Variants in SLC30A7 observed in about 807,000 individuals in gnomAD.
The protein encoded by SLC30A7 is solute carrier family 30 member 7.
SLC30A7 carries 35 observed loss-of-function variants against 46.0 expected under a neutral mutation model. That is an observed-to-expected ratio of 0.76 (90% confidence interval 0.58 to 1.01). The LOEUF is 1.01. SLC30A7 is among the 50% of genes least tolerant of loss of function. SLC30A7 has a pLI of 0.00. For synonymous variants in SLC30A7, 147 were observed against 157.8 expected, an observed-to-expected ratio of 0.93 and a Z score of 0.51; for missense variants, 464 against 451.1, an observed-to-expected ratio of 1.03 and a Z score of -0.26.
intron 10 of SLC30A7, among the ~76,000 whole-genome samples, chr1:100,973,616 G>C (rs1014053510): frequency 1.3e-5 from 2 of 152,058 alleles, no homozygotes; most frequent in South Asian, 4.1e-4. Flanking sequence ...TACATCGCAA[G>C]GTGATAAGTT....
At chr1:100,898,110 AGT>A (rs148613129) in intron 2 of SLC30A7, among the ~76,000 whole-genome samples, 11,272 of 152,102 alleles carry the variant, frequency 0.074, 566 homozygotes, top group South Asian at 0.19. Context: ...TTGTATCAAG[AGT>A]GTATCATAGC....
intron 3 of SLC30A7, among the ~76,000 whole-genome samples, chr1:100,909,565 T>C (rs1158731692): frequency 6.6e-6 from 1 of 152,152 alleles, no homozygotes; most frequent in Non-Finnish European, 1.5e-5. Context: ...TTCTAAGACC[T>C]ACTCAATCTG....
downstream of SLC30A7, among the ~76,000 whole-genome samples, chr1:100,983,231 G>A (rs1178807652): frequency 6.6e-6 from 1 of 152,024 alleles, no homozygotes; most frequent in Non-Finnish European, 1.5e-5. Flanking sequence ...GCAGAGACAA[G>A]GAGGAGCAAA....
At chr1:100,908,010 C>T (rs1651791596) in intron 3 of SLC30A7, among the ~76,000 whole-genome samples, 1 of 151,854 alleles carries the variant, frequency 6.6e-6, no homozygotes, top group South Asian at 2.1e-4. Context: ...AATCTCTCCT[C>T]CTCCTCTTCT....
At chr1:100,983,375 C>CAAAAAAA (rs779529890), downstream of SLC30A7, among the ~76,000 whole-genome samples, 12 of 76,454 alleles carry the variant, frequency 1.6e-4, no homozygotes, top group South Asian at 4.7e-4. Context: ...TACTTTGAGG[C>CAAAAAAA]AAAAAAAAAA....
chr1:100,930,315 A>C (rs12736451), intron 8 of SLC30A7, among the ~76,000 whole-genome samples: 21,584 of 152,028 alleles, frequency 0.14, 2,047 homozygotes, highest in Non-Finnish European at 0.2. Context: ...ATTTTAAAAT[A>C]GCAGCTTAAT....
At chr1:100,916,657 G>A (rs1415334569) in intron 6 of SLC30A7, among the ~76,000 whole-genome samples, 1 of 148,704 alleles carries the variant, frequency 6.7e-6, no homozygotes, top group Non-Finnish European at 1.5e-5. Context: ...AATATTGACT[G>A]TAGTCACCCT....
intron 8 of SLC30A7, among the ~76,000 whole-genome samples, chr1:100,923,374 AT>A (rs139980349): frequency 5.9e-5 from 9 of 151,456 alleles, no homozygotes; most frequent in East Asian, 1.9e-4. Context: ...ATAAATGGAG[AT>A]TTTTTTTTAA....
At chr1:100,992,654 ATTCT>A in the SLC30A7 span, 1 of 1,613,746 alleles carries the variant, frequency 6.2e-7, no homozygotes. Context: ...TTCTCCTCGT[ATTCT>A]TTGATTTTGA....
At chr1:100,994,636 C>T in the SLC30A7 span, among the ~76,000 whole-genome samples, 14 of 151,984 alleles carry the variant, frequency 9.2e-5, no homozygotes, top group East Asian at 1.9e-4. Context: ...AAGCGATTCT[C>T]GTGCCTCAAC....
In SLC30A7 at chr1:100,921,826, T is replaced by G. The variant is rs778598855; in HGVS notation, c.827T>G (p.Ile276Ser). ...ADPICSILIA[I>S]LIVVSVIPLL... ...CCTATCTGTTCAATTCTTATAGCCA[T>G]TCTTATAGTTGTAAGGTAAGTGTTA... The change falls in exon 8 of 11, where the codon ATT (isoleucine) becomes AGT (serine). Residue 276 changes from isoleucine (I) to serine (S), a missense_variant. Transcript: ENST00000357650. 1.2e-6 allele frequency: 2 copies of G among 1,612,688 alleles called. No individual in the cohort carries two copies. Among genetic ancestry groups the G allele is most frequent in the African/African-American group, 2.7e-5 (2 of 74,918 alleles).
Position 100,923,054 on chromosome 1 carries a change from C to T in SLC30A7, c.842+1213C>T, listed in dbSNP as rs1400983266. ...TTTTTTTGAGACGGAGTCTCGCTGT[C>T]GCCCAGGCTGGAGTGCAGTGGCGCA... is the stretch of plus-strand genomic sequence containing the variant. On this transcript the variant is annotated intron_variant, in intron 8 of 10. Transcript: ENST00000357650. Among the ~76,000 whole-genome samples, 5 of 79,484 alleles carry T rather than the reference C, an allele frequency of 6.3e-5. No individual in the cohort carries two copies. The East Asian group carries it at 1.1e-3, about 17-fold the overall frequency. 52.1% of individuals were successfully genotyped at this position (79,484 alleles called of 152,430 possible).
chr1:100,943,554 G>C (rs1350289011), intron 8 of SLC30A7, among the ~76,000 whole-genome samples: 2 of 152,108 alleles, frequency 1.3e-5, no homozygotes, highest in Non-Finnish European at 2.9e-5. Context: ...TCCCTATCTG[G>C]ATCTTTCTAA....
At chr1:100,937,524 G>A (rs148410936) in intron 8 of SLC30A7, among the ~76,000 whole-genome samples, 347 of 152,120 alleles carry the variant, frequency 2.3e-3, no homozygotes, top group African/African-American at 7.0e-3. Context: ...AACGTAATGC[G>A]TATCAAGTGG....
In SLC30A7 at chr1:100,942,528, C is replaced by G. The variant is rs541761647; in HGVS notation, c.843-19300C>G. Among the ~76,000 whole-genome samples, 21 of 152,248 alleles carry G rather than the reference C, an allele frequency of 1.4e-4. 1 individual carries two copies. The South Asian group carries it at 4.4e-3, about 32-fold the overall frequency. ...ATGTGTGGGGTTTTTTCCCCAGACA[C>G]CAAGCAAGTGTTAACCTGAAATAAT... On this transcript the variant is annotated intron_variant, in intron 8 of 10. Transcript: ENST00000357650.
chr1:100,921,921 A>C (rs1365956099), intron 8 of SLC30A7, 80 bp downstream of exon 8: 1 of 1,253,514 alleles, frequency 8.0e-7, no homozygotes, highest in Non-Finnish European at 1.1e-6. Context: ...TCTAAAATAC[A>C]AATAATTATG....
At chr1:100,920,787 A>C (rs1350061119) in intron 7 of SLC30A7, among the ~76,000 whole-genome samples, 2 of 152,046 alleles carry the variant, frequency 1.3e-5, no homozygotes, top group Non-Finnish European at 2.9e-5. Flanking sequence ...AACTACATAC[A>C]TGCTTTTTAT....
At chr1:100,914,435 C>A (rs1267356193) in intron 6 of SLC30A7, among the ~76,000 whole-genome samples, 4 of 151,966 alleles carry the variant, frequency 2.6e-5, no homozygotes, top group Non-Finnish European at 5.9e-5. Context: ...CATCACGAGG[C>A]CTTTTGTGCT....
chr1:100,989,575 G>A, the SLC30A7 span: 1 of 152,180 alleles, frequency 6.6e-6, no homozygotes, highest in Non-Finnish European at 1.5e-5. Flanking sequence ...AACTCCTCAT[G>A]CAGTAGGGAC....
Sources: gnomAD v4.1 joint callset for allele counts (sites outside exome capture counted in the v4.1 genomes callset) on GRCh38, gnomAD v4.1.1 for gene constraint, MANE v1.5 for transcripts, NCBI Gene and HGNC (gene_info 2026-07-23, HGNC 2026-07-21) for gene names.